Variants in KALRN observed in about 807,000 individuals in gnomAD.
The protein encoded by KALRN is kalirin RhoGEF kinase.
A neutral mutation model predicts 353.7 loss-of-function variants in KALRN; 70 were observed. The ratio of observed to expected loss-of-function variants is 0.20; its 90% CI spans 0.16 to 0.24. The LOEUF (loss-of-function observed/expected upper bound fraction) is 0.24, where lower values mean the gene tolerates loss of function less well. Ranked by LOEUF, KALRN falls within the 10% of genes least tolerant of loss-of-function variation. The pLI is 1.00. For missense variants in KALRN, 2,791 were observed against 3,756.7 expected (o/e 0.74, Z 6.72); for synonymous variants, 1,391 against 1,434.8 (o/e 0.97, Z 0.69).
chr3:124,661,942 A>T lies in KALRN; in HGVS notation c.6345+14A>T, dbSNP rs369748628. 1 of 1,606,158 alleles carries T rather than the reference A, an allele frequency of 6.2e-7. No homozygotes were observed. Among genetic ancestry groups the T allele is most frequent in the African/African-American group, 1.3e-5 (1 of 74,676 alleles). On this transcript the variant is annotated intron_variant, in intron 45 of 59. Transcript: ENST00000682506. ...CAGGGCTTTGAGGTGAGTCTTTAAG[A>T]ATGCGTCTAAGCCCACTCTCTCCAG...
intron 34 of KALRN, among the ~76,000 whole-genome samples, chr3:124,613,599 A>G (rs1303968348): frequency 6.6e-6 from 1 of 152,146 alleles, no homozygotes; most frequent in Non-Finnish European, 1.5e-5. Flanking sequence ...TCATCTTTCA[A>G]ATCCAGCCTC....
intron 12 of KALRN, 35 bp from the exon 13 acceptor site, chr3:124,398,662 C>T (rs1238292171): frequency 1.9e-6 from 3 of 1,611,344 alleles, no homozygotes; most frequent in Admixed American, 1.7e-5. Context: ...ATGGAAAGGC[C>T]TCTCCCTCCC....
intron 10 of KALRN, among the ~76,000 whole-genome samples, chr3:124,382,957 ACC>A (rs1188845582): frequency 6.6e-6 from 1 of 152,162 alleles, no homozygotes; most frequent in Non-Finnish European, 1.5e-5. Context: ...CCCTGCTTTA[ACC>A]CAGTGGCAAA....
chr3:124,226,736 G>C (rs899609423), intron 1 of KALRN, among the ~76,000 whole-genome samples: 4 of 152,260 alleles, frequency 2.6e-5, no homozygotes, highest in South Asian at 2.1e-4. Context: ...TGGGTTTCTT[G>C]AAACAGTCAA....
chr3:124,351,686 G>C (rs1171625802), intron 10 of KALRN, among the ~76,000 whole-genome samples: 1 of 152,200 alleles, frequency 6.6e-6, no homozygotes, highest in Non-Finnish European at 1.5e-5. Context: ...GTCAGTCTTT[G>C]TAGTAAAGAC....
intron 1 of KALRN, among the ~76,000 whole-genome samples, chr3:124,205,489 T>G (rs572646948): frequency 2.0e-5 from 3 of 152,296 alleles, no homozygotes; most frequent in African/African-American, 7.2e-5. Flanking sequence ...GACAATAATA[T>G]CTATCTCATG....
intron 1 of KALRN, among the ~76,000 whole-genome samples, chr3:124,211,637 C>G (rs2076906367): frequency 6.6e-6 from 1 of 152,138 alleles, no homozygotes; most frequent in South Asian, 2.1e-4. Flanking sequence ...CCCAGTTACC[C>G]CAGCCTAGTG....
At chr3:124,358,701 A>G (rs1159225150) in intron 10 of KALRN, among the ~76,000 whole-genome samples, 2 of 152,114 alleles carry the variant, frequency 1.3e-5, no homozygotes, top group African/African-American at 2.4e-5. Flanking sequence ...TATTTTTCTT[A>G]TGTTAACTTA....
chr3:124,304,099 A>G (rs562099193), intron 6 of KALRN, among the ~76,000 whole-genome samples: 3 of 146,458 alleles, frequency 2.0e-5, no homozygotes, highest in Non-Finnish European at 3.0e-5. Flanking sequence ...CATTTTTTAG[A>G]ATGTCAGAAT....
At chr3:124,649,244 CT>C (rs1348624957) in intron 37 of KALRN, among the ~76,000 whole-genome samples, 1 of 152,208 alleles carries the variant, frequency 6.6e-6, no homozygotes, top group African/African-American at 2.4e-5. Flanking sequence ...ATTTATTTCT[CT>C]GGACCTTTCT....
intron 1 of KALRN, among the ~76,000 whole-genome samples, chr3:124,133,246 G>A (rs760691672): frequency 1.3e-5 from 2 of 152,060 alleles, no homozygotes; most frequent in Non-Finnish European, 2.9e-5. Context: ...ACTCCATTCG[G>A]GAAAATCTGG....
intron 1 of KALRN, among the ~76,000 whole-genome samples, chr3:124,118,240 G>A (rs187973131): frequency 1.6e-4 from 24 of 152,050 alleles, no homozygotes; most frequent in African/African-American, 4.3e-4. Context: ...GGTGGGACTC[G>A]CAGCTGGGGG....
intron 14 of KALRN, among the ~76,000 whole-genome samples, chr3:124,421,600 T>C (rs1257916851): frequency 6.6e-6 from 1 of 152,164 alleles, no homozygotes; most frequent in Non-Finnish European, 1.5e-5. Context: ...AAAGTCAGGA[T>C]TCCAGCTCAG....
chr3:124,456,612 T>G lies in KALRN; in HGVS notation c.3738T>G (p.Asp1246Glu). The G allele has an allele frequency of 6.2e-7, 1 of 1,610,294 alleles. No homozygotes were observed. Among genetic ancestry groups the G allele is most frequent in the Non-Finnish European group, 8.5e-7 (1 of 1,177,330 alleles). ...CTTTGTGATCCCTCCATGTGCAGGA[T>G]AATAAGGACCTGGAGCTGGATATTA... is the stretch of plus-strand genomic sequence containing the variant. ...LEKALGVNTEDNKDLELDIIP... is the reference protein window; with the variant it reads ...LEKALGVNTEENKDLELDIIP... The change falls in exon 23 of 60, where the codon GAT (aspartate) becomes GAG (glutamate). Residue 1246 changes from aspartate (D) to glutamate (E), a missense_variant and splice_region_variant. Coordinates refer to ENST00000682506, the MANE Select transcript of KALRN (RefSeq NM_001388419.1).
intron 34 of KALRN, chr3:124,584,966 G>T: frequency 6.5e-7 from 1 of 1,545,200 alleles, no homozygotes; most frequent in Non-Finnish European, 8.7e-7. Flanking sequence ...CGCTCAGCGC[G>T]AGGGAGGGTG....
chr3:124,602,183 T>C (rs1333085208), intron 34 of KALRN, among the ~76,000 whole-genome samples: 1 of 152,188 alleles, frequency 6.6e-6, no homozygotes, highest in African/African-American at 2.4e-5. Context: ...TGCAGTAGGC[T>C]TTTTCCAATA....
In KALRN at chr3:124,718,977, T is replaced by C; in HGVS notation, c.8468T>C (p.Ile2823Thr). 6.2e-7 allele frequency: 1 copy of C among 1,614,258 alleles called. No homozygotes were observed. Among genetic ancestry groups the C allele is most frequent in the Non-Finnish European group, 8.5e-7 (1 of 1,180,044 alleles). The change falls in exon 60 of 60, where the codon ATT (isoleucine) becomes ACT (threonine). Residue 2823 changes from isoleucine to threonine, a missense_variant. By Grantham distance (89) the Ile-to-Thr change is moderately conservative. This residue lies in a region of KALRN where 188 missense variants were observed against 402.9 expected (regional missense o/e 0.47). Transcript: ENST00000682506. ...ATTCCAGTGCCTCGAGTGAAGCTCATTGACTTGGAGGATGCTGTCCAGATC... is the reference window on the plus strand; with the variant it reads ...ATTCCAGTGCCTCGAGTGAAGCTCACTGACTTGGAGGATGCTGTCCAGATC... ...LRIPVPRVKLIDLEDAVQISG... is the reference protein window; with the variant it reads ...LRIPVPRVKLTDLEDAVQISG...
intron 8 of KALRN, among the ~76,000 whole-genome samples, chr3:124,332,708 G>A (rs1233330909): frequency 1.3e-5 from 2 of 152,150 alleles, no homozygotes; most frequent in African/African-American, 4.8e-5. Context: ...TTGGGGAACC[G>A]AGGAAAGTGG....
chr3:124,269,359 A>G, intron 5 of KALRN, 104 bp downstream of exon 5: 3 of 1,268,728 alleles, frequency 2.4e-6, no homozygotes, highest in South Asian at 3.0e-5. Context: ...GAAAGCTTTA[A>G]AACAGTGTGC....
Sources: allele counts gnomAD v4.1 joint callset (sites outside exome capture counted in the v4.1 genomes callset), GRCh38; gene constraint gnomAD v4.1.1; regional missense constraint gnomAD v4.1.1; transcripts MANE v1.5; gene names NCBI Gene and HGNC (gene_info 2026-07-23, HGNC 2026-07-21).